The following GARRE1 variants were observed in gnomAD, a reference collection of about 807,000 sequenced individuals.
GARRE1 encodes the protein granule associated Rac and RHOG effector 1, also known as granule associated Rac and RHOG effector protein 1.
A neutral mutation model predicts 103.2 loss-of-function variants in GARRE1; 49 were observed. The ratio of observed to expected loss-of-function variants is 0.47; its 90% confidence interval spans 0.38 to 0.60. The LOEUF is 0.60. GARRE1 is among the 20% of genes least tolerant of loss of function. The probability of loss-of-function intolerance (pLI) is 0.00; values close to 1 mark genes in which losing one functional copy is unlikely to be tolerated. For missense variants in GARRE1, 1,199 were observed against 1,370.5 expected (o/e 0.87, Z 1.98); for synonymous variants, 505 against 532.8 (o/e 0.95, Z 0.72).
rs763425064 is a variant in GARRE1, at chr19:34,348,991, C to G, written c.2688-25C>G. 19 of 1,607,048 alleles carry G rather than the reference C, an allele frequency of 1.2e-5. No individual in the cohort carries two copies. In the East Asian group the frequency reaches 3.6e-4, roughly 30 times the overall value. On this transcript the variant is annotated intron_variant, in intron 11 of 13. Coordinates refer to ENST00000299505, the MANE Select transcript of GARRE1 (RefSeq NM_014686.5). ...GTGGTGGGGCTGCAGGAGGCCCTGG[C>G]CCAGCTTCTCTCTCTGGCTTTCAGG...
At chr19:34,312,023 C>T (rs970999462) in intron 2 of GARRE1, among the ~76,000 whole-genome samples, 2 of 150,990 alleles carry the variant, frequency 1.3e-5, no homozygotes, top group African/African-American at 4.9e-5. Context: ...ACTGTGTTGC[C>T]CAGGCTGGTC....
intron 1 of GARRE1, among the ~76,000 whole-genome samples, chr19:34,263,238 T>C (rs1450586706): frequency 6.7e-6 from 1 of 148,308 alleles, no homozygotes; most frequent in Admixed American, 6.9e-5. Flanking sequence ...AAAAATAAAA[T>C]AAATAATGTC....
rs1161875571 is a variant in GARRE1, at chr19:34,354,671, CAACAA to C, written c.*1717_*1721del. ...TGGGTGACAGAGTGAGATTCCGTCT[CAACAA>C]GAAAAAAAAAAAAGAATATATATAT... On this transcript the variant is annotated 3_prime_UTR_variant, in exon 14 of 14. Transcript: ENST00000299505. The C allele has an allele frequency of 1.4e-5, 2 of 147,214 alleles. No homozygotes were observed. Among genetic ancestry groups the C allele is most frequent in the African/African-American group, 2.5e-5 (1 of 39,404 alleles). 9.1% of individuals were successfully genotyped at this position (147,214 alleles called of 1,614,324 possible).
intron 8 of GARRE1, among the ~76,000 whole-genome samples, chr19:34,336,317 G>A (rs1451507971): frequency 6.6e-6 from 1 of 152,032 alleles, no homozygotes; most frequent in Non-Finnish European, 1.5e-5. Context: ...TTGTAGGGTG[G>A]CATACTGTGT....
Position 34,352,905 on chromosome 19 carries a change from G to T in GARRE1, c.3163G>T (p.Ala1055Ser). 6.3e-7 allele frequency: 1 copy of T among 1,580,624 alleles called. No individual in the cohort carries two copies. Reference protein sequence around the residue: ...AHKAAPKGFKAFPGKGERRPA... With the variant: ...AHKAAPKGFKSFPGKGERRPA... ...CAAGGCAGCACCCAAGGGCTTCAAG[G>T]CCTTCCCTGGGAAGGGTGAGCGCAG... Residue 1055 changes from alanine (A) to serine (S), a missense_variant, in exon 14 of 14, where the codon GCC becomes TCC. Transcript: ENST00000299505.
At chr19:34,340,107 C>A (rs1286576798) in intron 9 of GARRE1, 115 bp downstream of exon 9, 1 of 1,075,768 alleles carries the variant, frequency 9.3e-7, no homozygotes, top group South Asian at 1.7e-5. Flanking sequence ...GCAGTAAGGA[C>A]TTTTTAGTAA....
rs757497583 is a variant in GARRE1, at chr19:34,349,181, G to A, written c.2825+28G>A. On this transcript the variant is annotated intron_variant, in intron 12 of 13. Transcript: ENST00000299505. ...ATGAAGGGATTTCTAAACCAAGGTG[G>A]GGAGAGAAGGGCATGTGAATGCAAC... 4.0e-5 allele frequency: 65 copies of A among 1,608,334 alleles called. 2 individuals carry two copies. In the South Asian group the frequency reaches 7.0e-4, roughly 17 times the overall value.
intron 1 of GARRE1, among the ~76,000 whole-genome samples, chr19:34,293,280 CT>C (rs964961152): frequency 6.6e-6 from 1 of 151,956 alleles, no homozygotes; most frequent in African/African-American, 2.4e-5. Context: ...ACTTGTTTAG[CT>C]TTTGGAAAAT....
intron 1 of GARRE1, among the ~76,000 whole-genome samples, chr19:34,278,082 A>T (rs1229838901): frequency 6.6e-6 from 1 of 152,174 alleles, no homozygotes; most frequent in South Asian, 2.1e-4. Flanking sequence ...TTTCAGTGGC[A>T]TAAGTACATT....
intron 1 of GARRE1, among the ~76,000 whole-genome samples, chr19:34,257,158 TC>T (rs1355542357): frequency 1.6e-5 from 1 of 60,662 alleles, no homozygotes; most frequent in Non-Finnish European, 3.7e-5. Flanking sequence ...GTTTTAAGCA[TC>T]CTTTTTTTTT....
At chr19:34,255,898 G>A (rs1229249392) in intron 1 of GARRE1, among the ~76,000 whole-genome samples, 1 of 151,940 alleles carries the variant, frequency 6.6e-6, no homozygotes, top group East Asian at 1.9e-4. Flanking sequence ...CTGGAGTGCA[G>A]TGGCGGGATC....
chr19:34,347,745 C>A, intron 10 of GARRE1, 132 bp from the exon 11 acceptor site: 1 of 860,384 alleles, frequency 1.2e-6, no homozygotes, highest in South Asian at 2.1e-5. Context: ...ACAGCCCACG[C>A]TGTGGGGCAC....
In GARRE1 at chr19:34,348,040, A is replaced by AG; in HGVS notation, c.2687+1dup. ...GGCCCTTCCCCGAGTTCTTCACAGA[A>AG]GGGTGAGTGCTGGGTACTTCAGGGA... is the stretch of plus-strand genomic sequence containing the variant. On this transcript the variant is annotated frameshift_variant and splice_region_variant, in exon 11 of 14. Coordinates refer to ENST00000299505, the MANE Select transcript of GARRE1 (RefSeq NM_014686.5). LOFTEE classifies it high-confidence loss of function. 1 of 1,481,048 alleles carries AG rather than the reference A, an allele frequency of 6.8e-7. No homozygotes were observed. The highest frequency in any genetic ancestry group is 9.0e-7 in the Non-Finnish European group (1 of 1,105,690). The allele number at this position is 1,481,048 out of a possible 1,614,324, so 91.7% of individuals were successfully genotyped here.
chr19:34,320,148 T>C, intron 3 of GARRE1, 32 bp downstream of exon 3: 5 of 1,590,564 alleles, frequency 3.1e-6, no homozygotes, highest in Non-Finnish European at 4.3e-6. Flanking sequence ...TTGGTGCCTG[T>C]GTTCAAATAG....
intron 1 of GARRE1, among the ~76,000 whole-genome samples, chr19:34,259,402 T>G (rs887075950): frequency 1.3e-5 from 2 of 152,244 alleles, no homozygotes; most frequent in Non-Finnish European, 2.9e-5. Context: ...CCAGTGAATT[T>G]ACTCAAGAAT....
At position 34,335,072 on chromosome 19, in the gene GARRE1, C is replaced by A. The variant is rs569844789; in HGVS notation, c.1361+1271C>A. ...AAAAAAAAAAAAACCGTTATGATGT[C>A]ATTTTGCCCAGAATATTGTTAAATT... is the stretch of plus-strand genomic sequence containing the variant. On this transcript the variant is annotated intron_variant, in intron 8 of 13. Transcript: ENST00000299505. Among the ~76,000 whole-genome samples, 3 of 151,782 alleles carry A rather than the reference C, an allele frequency of 2.0e-5. No individual in the cohort carries two copies. The East Asian group carries it at 5.8e-4, about 29-fold the overall frequency.
At chr19:34,270,082 A>G (rs2073777479) in intron 1 of GARRE1, among the ~76,000 whole-genome samples, 2 of 152,330 alleles carry the variant, frequency 1.3e-5, no homozygotes, top group South Asian at 4.1e-4. Context: ...TCAGGAAGCT[A>G]GGCAGTGATT....
chr19:34,342,496 A>G (rs879003519), intron 10 of GARRE1, 41 bp downstream of exon 10: 4 of 1,548,828 alleles, frequency 2.6e-6, no homozygotes, highest in East Asian at 2.2e-5. Context: ...GTCAACAGCA[A>G]ATGCAACTGC....
At chr19:34,301,531 A>G (rs769948535) in intron 2 of GARRE1, among the ~76,000 whole-genome samples, 5,732 of 149,962 alleles carry the variant, frequency 0.038, 197 homozygotes, top group Admixed American at 0.1. Flanking sequence ...AAAAAAAAAA[A>G]AAAAAAAGAA....
Sources: allele counts gnomAD v4.1 joint callset (sites outside exome capture counted in the v4.1 genomes callset), GRCh38; gene constraint gnomAD v4.1.1; transcripts MANE v1.5; gene names NCBI Gene and HGNC (gene_info 2026-07-23, HGNC 2026-07-21).